NEURL2: variants seen among roughly 807,000 people sequenced by gnomAD.
The protein encoded by NEURL2 is neuralized-like protein 2.
In NEURL2, 16 loss-of-function variants were observed where a neutral mutation model predicts 15.9. The ratio of observed to expected loss-of-function variants is 1.01; its 90% CI spans 0.68 to 1.53. The LOEUF is 1.53. Ranked by LOEUF, NEURL2 falls within the 40% of genes most tolerant of loss-of-function variation. The probability of loss-of-function intolerance (pLI) is 0.00; values close to 1 mark genes in which losing one functional copy is unlikely to be tolerated. For missense variants in NEURL2, 393 were observed against 407.8 expected (o/e 0.96, Z 0.31); for synonymous variants, 188 against 178.3 (o/e 1.05, Z -0.43).
Position 45,891,026 on chromosome 20 carries a change from G to T in NEURL2, c.-35C>A, listed in dbSNP as rs1280241895. 6.9e-7 allele frequency: 1 copy of T among 1,454,532 alleles called. No homozygotes were observed. Among genetic ancestry groups the T allele is most frequent in the Non-Finnish European group, 9.1e-7 (1 of 1,103,720 alleles). 90.1% of individuals were successfully genotyped at this position (1,454,532 alleles called of 1,614,324 possible). A position where few individuals can be genotyped will look rare whatever the true frequency, so the allele number is the denominator to read the frequency against. Reference sequence around the variant, plus strand: ...ATAGGGCAGGCCAGCTGGCGCCGGGGGCTATTTTGGGCGGCGGGCAATGAT... The same window carrying T: ...ATAGGGCAGGCCAGCTGGCGCCGGGTGCTATTTTGGGCGGCGGGCAATGAT... On this transcript the variant is annotated 5_prime_UTR_variant, in exon 1 of 2. Transcript: ENST00000372518. This position sits in a 1 kb window ranked among gnomAD's most constrained non-coding sequence, Gnocchi z 4.6.
rs1245138237 is a variant in NEURL2, at chr20:45,890,477, A to C, written c.515T>G (p.Leu172Trp). 2.5e-6 allele frequency: 4 copies of C among 1,600,074 alleles called. No homozygotes were observed. In the African/African-American group the frequency reaches 4.0e-5, roughly 16 times the overall value. The change falls in exon 1 of 2, where the codon TTG (leucine) becomes TGG (tryptophan). Residue 172 changes from leucine (L) to tryptophan (W), a missense_variant. By Grantham distance (61) the Leu-to-Trp change is moderately conservative. Coordinates refer to ENST00000372518, the MANE Select transcript of NEURL2 (RefSeq NM_080749.4). Reference protein sequence around the residue: ...RSRPGLYSHLLDQLYELNVLP... With the variant: ...RSRPGLYSHLWDQLYELNVLP... ...CACGTTCAGCTCATAGAGCTGGTCC[A>C]AGAGATGGCTGTAGAGCCCTGGCCG...
chr20:45,888,664 G>C lies in NEURL2; in HGVS notation c.*94C>G, dbSNP rs1986575866. The C allele has an allele frequency of 8.4e-7, 1 of 1,191,830 alleles. No homozygotes were observed. Among genetic ancestry groups the C allele is most frequent in the African/African-American group, 1.5e-5 (1 of 66,732 alleles). 73.8% of individuals were successfully genotyped at this position (1,191,830 alleles called of 1,614,324 possible). On this transcript the variant is annotated 3_prime_UTR_variant, in exon 2 of 2. Transcript: ENST00000372518. ...ATGTCAGCATCGGCTGTTTATTTCT[G>C]GTCTTGGCTGGCAGCAATGTGGCCA...
chr20:45,890,413 G>A lies in NEURL2; in HGVS notation c.579C>T (p.Leu193=), dbSNP rs757414186. Reference sequence around the variant, plus strand: ...CCGTGCCATCGGGGCGCGGGCAAAAGAGGACACCCAGGCGGCTACGGCGCG... The same window carrying A: ...CCGTGCCATCGGGGCGCGGGCAAAAAAGGACACCCAGGCGGCTACGGCGCG... ...PTARRSRLGV[L]FCPRPDGTAD... The change falls in exon 1 of 2, where the codon CTC becomes CTT. Residue 193 remains leucine, a synonymous_variant. Coordinates refer to ENST00000372518, the MANE Select transcript of NEURL2 (RefSeq NM_080749.4). The A allele has an allele frequency of 3.1e-6, 5 of 1,612,128 alleles. No homozygotes were observed. Among genetic ancestry groups the A allele is most frequent in the Non-Finnish European group, 3.4e-6 (4 of 1,179,478 alleles).
In NEURL2 at chr20:45,891,009, G is replaced by A. The variant is rs1477109112; in HGVS notation, c.-18C>T. 1 of 1,466,664 alleles carries A rather than the reference G, an allele frequency of 6.8e-7. No individual in the cohort carries two copies. Among genetic ancestry groups the A allele is most frequent in the Non-Finnish European group, 9.0e-7 (1 of 1,109,016 alleles). The allele number at this position is 1,466,664 out of a possible 1,614,324, so 90.9% of individuals were successfully genotyped here. A position where few individuals can be genotyped will look rare whatever the true frequency, so the allele number is the denominator to read the frequency against. On this transcript the variant is annotated 5_prime_UTR_variant, in exon 1 of 2. Transcript: ENST00000372518. The surrounding 1 kb of genome is among the most constrained non-coding windows in gnomAD (Gnocchi z 4.6). ...GCAGCCATCTCTCGGCCATAGGGCA[G>A]GCCAGCTGGCGCCGGGGGCTATTTT...
At position 45,891,202 on chromosome 20, in the gene NEURL2, G is replaced by C. The variant is rs1033671884; in HGVS notation, c.-211C>G. Reference sequence around the variant, plus strand: ...ATCTGATCGCGTGCGCCCGGGCTACGATCTGCGAGGCCCGCGGACCTTGAC... The same window carrying C: ...ATCTGATCGCGTGCGCCCGGGCTACCATCTGCGAGGCCCGCGGACCTTGAC... On this transcript the variant is annotated 5_prime_UTR_variant, in exon 1 of 2. In the 5' UTR this introduces an upstream ATG that the reference lacks. Coordinates refer to ENST00000372518, the MANE Select transcript of NEURL2 (RefSeq NM_080749.4). The surrounding 1 kb of genome is among the most constrained non-coding windows in gnomAD (Gnocchi z 4.6). 13 of 1,106,018 alleles carry C rather than the reference G, an allele frequency of 1.2e-5. No individual in the cohort carries two copies. The highest frequency in any genetic ancestry group is 2.1e-5 in the Admixed American group (1 of 47,806). The allele number at this position is 1,106,018 out of a possible 1,614,324, so 68.5% of individuals were successfully genotyped here. A position where few individuals can be genotyped will look rare whatever the true frequency, so the allele number is the denominator to read the frequency against.
intron 1 of NEURL2, 22 bp from the exon 2 acceptor site, chr20:45,888,895 A>C: frequency 6.2e-7 from 1 of 1,613,864 alleles, no homozygotes; most frequent in East Asian, 2.2e-5. Context: ...AGACTGTGAA[A>C]GGCAAACTGA....
Position 45,890,236 on chromosome 20 carries a change from C to T in NEURL2, c.742+14G>A, listed in dbSNP as rs754796878. 1 of 1,613,858 alleles carries T rather than the reference C, an allele frequency of 6.2e-7. No individual in the cohort carries two copies. The highest frequency in any genetic ancestry group is 1.1e-5 in the South Asian group (1 of 91,084). The stretch of plus-strand genomic sequence containing the variant: ...ACACTGAGCCAGGAGGGGTCGCTGC[C>T]CAGGGATACCTACAGCCATACTCGA... On this transcript the variant is annotated intron_variant, in intron 1 of 1. Coordinates refer to ENST00000372518, the MANE Select transcript of NEURL2 (RefSeq NM_080749.4).
rs1214680436 is a variant in NEURL2 at position 45,891,028 on chromosome 20, C to A, written c.-37G>T. 1 of 1,454,796 alleles carries A rather than the reference C, an allele frequency of 6.9e-7. No homozygotes were observed. The highest frequency in any genetic ancestry group is 9.1e-7 in the Non-Finnish European group (1 of 1,104,064). The allele number at this position is 1,454,796 out of a possible 1,614,324, so 90.1% of individuals were successfully genotyped here. On this transcript the variant is annotated 5_prime_UTR_variant, in exon 1 of 2. Coordinates refer to ENST00000372518, the MANE Select transcript of NEURL2 (RefSeq NM_080749.4). This position sits in a 1 kb window ranked among gnomAD's most constrained non-coding sequence, Gnocchi z 4.6. Reference sequence around the variant, plus strand: ...AGGGCAGGCCAGCTGGCGCCGGGGGCTATTTTGGGCGGCGGGCAATGATGG... The same window carrying A: ...AGGGCAGGCCAGCTGGCGCCGGGGGATATTTTGGGCGGCGGGCAATGATGG...
Position 45,890,700 on chromosome 20 carries a change from C to A in NEURL2, c.292G>T (p.Glu98Ter), listed in dbSNP as rs773009939. 6.2e-7 allele frequency: 1 copy of A among 1,613,756 alleles called. No individual in the cohort carries two copies. The highest frequency in any genetic ancestry group is 1.3e-5 in the African/African-American group (1 of 75,056). Residue 98 changes from glutamate to a stop codon, truncating the protein, a stop_gained, in exon 1 of 2, where the codon GAG becomes TAG. Transcript: ENST00000372518. LOFTEE classifies it high-confidence loss of function. ...LDPASLAPVP[E>*]FSLPDLVNLG... ...TTGACCAGATCGGGCAGAGAAAACT[C>A]GGGAACGGGGGCCAGACTGGCGGGG...
In NEURL2 at chr20:45,891,058, C is replaced by G. The variant is rs1341683003; in HGVS notation, c.-67G>C. The G allele has an allele frequency of 7.1e-7, 1 of 1,413,194 alleles. No individual in the cohort carries two copies. Among genetic ancestry groups the G allele is most frequent in the African/African-American group, 1.4e-5 (1 of 69,426 alleles). The allele number at this position is 1,413,194 out of a possible 1,614,324, so 87.5% of individuals were successfully genotyped here. On this transcript the variant is annotated 5_prime_UTR_variant, in exon 1 of 2. Transcript: ENST00000372518. The surrounding 1 kb of genome is among the most constrained non-coding windows in gnomAD (Gnocchi z 4.6). ...TTGGGCGGCGGGCAATGATGGTGAC[C>G]GCAAGGCGACCTTGTAAGGCATTTC...
rs762537945 is a variant in NEURL2 at position 45,890,298 on chromosome 20, C to T, written c.694G>A (p.Val232Met). The T allele has an allele frequency of 8.1e-6, 13 of 1,613,522 alleles. No individual in the cohort carries two copies. Among genetic ancestry groups the T allele is most frequent in the Admixed American group, 6.7e-5 (4 of 60,022 alleles). The change falls in exon 1 of 2, where the codon GTG becomes ATG. Residue 232 changes from valine to methionine, a missense_variant. Val to Met is a conservative substitution (Grantham distance 21). Coordinates refer to ENST00000372518, the MANE Select transcript of NEURL2 (RefSeq NM_080749.4). ...AAQPLYAVVD[V>M]FASTKSVRLV... ...CGCACGCTCTTTGTGGAAGCAAACA[C>T]GTCCACCACCGCGTAGAGGGGCTGC...
intron 1 of NEURL2, 162 bp from the exon 2 acceptor site, chr20:45,889,035 T>TCAGGAAGAGG: frequency 1.4e-6 from 1 of 718,620 alleles, no homozygotes; most frequent in Non-Finnish European, 2.3e-6. Context: ...GAAGCACCTC[T>TCAGGAAGAGG]TCCTGAGAGC....
At chr20:45,889,577 A>T (rs1386286053) in intron 1 of NEURL2, among the ~76,000 whole-genome samples, 1 of 150,192 alleles carries the variant, frequency 6.7e-6, no homozygotes, top group Non-Finnish European at 1.5e-5. Flanking sequence ...TGAGCTAGCT[A>T]GCTTGCTTGC....
chr20:45,889,623 T>C (rs1435941309), intron 1 of NEURL2, among the ~76,000 whole-genome samples: 3 of 150,596 alleles, frequency 2.0e-5, no homozygotes, highest in Non-Finnish European at 4.4e-5. Context: ...CTCTCTCTCT[T>C]TCTTTTTTTT....
chr20:45,888,706 C>T lies in NEURL2; in HGVS notation c.*52G>A. ...ATGTGGCCAACTTCGGACCAGCCAG[C>T]CACAGGTCTGGGGCTCCAGGATGCA... On this transcript the variant is annotated 3_prime_UTR_variant, in exon 2 of 2. Transcript: ENST00000372518. 2 of 1,591,174 alleles carry T rather than the reference C, an allele frequency of 1.3e-6. No homozygotes were observed. The highest frequency in any genetic ancestry group is 1.7e-6 in the Non-Finnish European group (2 of 1,163,418).
chr20:45,889,505 A>ACCAT (rs1206470734), intron 1 of NEURL2, among the ~76,000 whole-genome samples: 1 of 151,974 alleles, frequency 6.6e-6, no homozygotes, highest in Non-Finnish European at 1.5e-5. Context: ...GGCATGCACC[A>ACCAT]CCATGCCCAG....
chr20:45,890,277 C>A lies in NEURL2; in HGVS notation c.715G>T (p.Val239Leu). The A allele has an allele frequency of 1.2e-6, 2 of 1,613,766 alleles. No homozygotes were observed. The highest frequency in any genetic ancestry group is 1.1e-5 in the South Asian group (1 of 91,090). Residue 239 changes from valine to leucine, a missense_variant, in exon 1 of 2, where the codon GTG (valine) becomes TTG (leucine). Transcript: ENST00000372518. ...CCATACTCGAGCTGGACAAGGCGCA[C>A]GCTCTTTGTGGAAGCAAACACGTCC... ...VVDVFASTKS[V>L]RLVQLEYGLP...
Position 45,888,735 on chromosome 20 carries a change from G to A in NEURL2, c.*23C>T, listed in dbSNP as rs746044447. ...AGGTCTGGGGCTCCAGGATGCAGCT[G>A]TGCTCTGGTGCACTGTGGGTCTTCA... On this transcript the variant is annotated 3_prime_UTR_variant, in exon 2 of 2. Transcript: ENST00000372518. 31 of 1,612,986 alleles carry A rather than the reference G, an allele frequency of 1.9e-5. No individual in the cohort carries two copies. The Middle Eastern group carries it at 5.3e-4, about 27-fold the overall frequency.
In NEURL2 at chr20:45,890,905, C is replaced by A. The variant is rs1249202311; in HGVS notation, c.87G>T (p.Val29=). The change falls in exon 1 of 2, where the codon GTG becomes GTT. Residue 29 remains valine (V), a synonymous_variant. Coordinates refer to ENST00000372518, the MANE Select transcript of NEURL2 (RefSeq NM_080749.4). ...GGTCCACGCGGATGTTGGCACCGTG[C>A]ACCCGATGGAAGCGGGTGGGAGGGG... ...PEPPPTRFHR[V]HGANIRVDPS... 1.3e-6 allele frequency: 2 copies of A among 1,555,680 alleles called. No individual in the cohort carries two copies. The highest frequency in any genetic ancestry group is 1.7e-6 in the Non-Finnish European group (2 of 1,149,206).
Sources: allele counts gnomAD v4.1 joint callset (sites outside exome capture counted in the v4.1 genomes callset), GRCh38; gene constraint gnomAD v4.1.1; non-coding constraint Gnocchi (gnomAD v3.1); transcripts MANE v1.5; gene names NCBI Gene and HGNC (gene_info 2026-07-23, HGNC 2026-07-21).